NFATC2: variants seen among roughly 807,000 people sequenced by gnomAD.
NFATC2 encodes nuclear factor of activated T cells 2.
Under a neutral mutation model 87.3 loss-of-function variants are expected in NFATC2, and 22 were observed. That is an observed-to-expected ratio of 0.25 (90% CI 0.18 to 0.36). NFATC2 has a LOEUF of 0.36. Among genes scored for constraint, NFATC2 ranks in the 10% least tolerant of loss-of-function variants. The pLI, the probability that NFATC2 is intolerant of heterozygous loss-of-function variation, is 1.00. For missense variants in NFATC2, 1,149 were observed against 1,259.1 expected, an observed-to-expected ratio of 0.91 and a Z score of 1.32; for synonymous variants, 565 against 542.2, an observed-to-expected ratio of 1.04 and a Z score of -0.58.
At position 51,555,886 on chromosome 20, in the gene NFATC2, C is replaced by T. The variant is rs562423884; in HGVS notation, c.70+6674G>A. On this transcript the variant is annotated intron_variant, in intron 1 of 10. Coordinates refer to the NFATC2 transcript ENST00000414705. ...GGAATCCTACTCTTGTAGATTGAAT[C>T]GTCCCTCCTGACCCTACCAAAAAAA... 2.0e-5 allele frequency among the ~76,000 whole-genome samples: 3 copies of T among 152,324 alleles called. No homozygotes were observed. In the South Asian group the frequency reaches 6.2e-4, roughly 32 times the overall value.
intron 9 of NFATC2, among the ~76,000 whole-genome samples, chr20:51,420,422 C>T (rs1980704755): frequency 6.6e-6 from 1 of 152,176 alleles, no homozygotes; most frequent in Admixed American, 6.5e-5. Context: ...TGCTAACTTA[C>T]AGGACATACA....
intron 1 of NFATC2, among the ~76,000 whole-genome samples, chr20:51,557,362 G>A (rs1387633399): frequency 1.3e-5 from 2 of 152,204 alleles, no homozygotes; most frequent in Non-Finnish European, 2.9e-5. Context: ...CGACCCTGGT[G>A]AGTGACTCTA....
At chr20:51,532,200 A>G (rs900754280) in intron 1 of NFATC2, among the ~76,000 whole-genome samples, 1 of 152,190 alleles carries the variant, frequency 6.6e-6, no homozygotes, top group East Asian at 1.9e-4. Flanking sequence ...AGCAGCTGAT[A>G]TCGTTTCCCC....
At chr20:51,426,794 C>T (rs1333797450) in intron 9 of NFATC2, among the ~76,000 whole-genome samples, 1 of 152,162 alleles carries the variant, frequency 6.6e-6, no homozygotes, top group African/African-American at 2.4e-5. Context: ...CATCTGGGGG[C>T]TTCTGGGGTG....
At chr20:51,410,658 G>A (rs765987200) in intron 9 of NFATC2, among the ~76,000 whole-genome samples, 4 of 152,026 alleles carry the variant, frequency 2.6e-5, no homozygotes, top group Non-Finnish European at 5.9e-5. Flanking sequence ...TGGAGAGAAG[G>A]AAGACAAAAG....
At chr20:51,407,253 C>T (rs530258202) in intron 9 of NFATC2, among the ~76,000 whole-genome samples, 19 of 152,268 alleles carry the variant, frequency 1.2e-4, no homozygotes, top group African/African-American at 3.6e-4. Flanking sequence ...AGCAGGCCTC[C>T]GTGCCACCCC....
intron 9 of NFATC2, among the ~76,000 whole-genome samples, chr20:51,430,432 T>A (rs1982532664): frequency 6.6e-6 from 1 of 152,218 alleles, no homozygotes; most frequent in African/African-American, 2.4e-5. Context: ...TGTTCAAGGA[T>A]GGATTGTATG....
intron 4 of NFATC2, among the ~76,000 whole-genome samples, chr20:51,474,632 G>A (rs1341555912): frequency 1.3e-5 from 2 of 152,182 alleles, no homozygotes; most frequent in Non-Finnish European, 2.9e-5. Context: ...GAAAGTGCTG[G>A]AGCACAGGTG....
chr20:51,487,293 G>A (rs563130510), intron 3 of NFATC2, among the ~76,000 whole-genome samples: 1 of 152,296 alleles, frequency 6.6e-6, no homozygotes, highest in Admixed American at 6.5e-5. Context: ...AGGGATGCTG[G>A]GATGGCAGCC....
At chr20:51,403,169 G>A (rs375717752) in intron 9 of NFATC2, among the ~76,000 whole-genome samples, 4 of 152,292 alleles carry the variant, frequency 2.6e-5, no homozygotes, top group African/African-American at 9.6e-5. Flanking sequence ...TGTATTTTAA[G>A]TCTTGGATTT....
At chr20:51,444,547 C>T (rs983345796) in intron 6 of NFATC2, among the ~76,000 whole-genome samples, 3 of 152,032 alleles carry the variant, frequency 2.0e-5, no homozygotes, top group Non-Finnish European at 4.4e-5. Context: ...TGTCAGCACT[C>T]TGGGAGAAAT....
At chr20:51,395,277 A>G (rs1389310846) in intron 10 of NFATC2, among the ~76,000 whole-genome samples, 1 of 152,058 alleles carries the variant, frequency 6.6e-6, no homozygotes, top group Non-Finnish European at 1.5e-5. Context: ...CTAGCAGGTG[A>G]CAGGGGATTG....
At chr20:51,490,122 C>CT (rs1222692105) in intron 3 of NFATC2, among the ~76,000 whole-genome samples, 1 of 152,182 alleles carries the variant, frequency 6.6e-6, no homozygotes, top group Non-Finnish European at 1.5e-5. Context: ...TATAATTAAT[C>CT]ATAATAACAA....
intron 9 of NFATC2, among the ~76,000 whole-genome samples, chr20:51,402,389 T>C (rs995534654): frequency 6.6e-6 from 1 of 152,066 alleles, no homozygotes; most frequent in East Asian, 1.9e-4. Context: ...TCCTTGTCCT[T>C]CAGCCAGTTC....
chr20:51,440,460 G>A (rs1212742536), intron 6 of NFATC2, among the ~76,000 whole-genome samples: 1 of 152,142 alleles, frequency 6.6e-6, no homozygotes, highest in Non-Finnish European at 1.5e-5. Context: ...TGGGCTGGAG[G>A]GAATTTATGA....
intron 10 of NFATC2, among the ~76,000 whole-genome samples, chr20:51,396,346 A>G (rs1266805292): frequency 6.6e-6 from 1 of 152,068 alleles, no homozygotes; most frequent in Non-Finnish European, 1.5e-5. Flanking sequence ...GCTCAGGATT[A>G]CATGGGGAAA....
intron 10 of NFATC2, among the ~76,000 whole-genome samples, chr20:51,395,803 T>C (rs1339756830): frequency 1.3e-5 from 2 of 151,130 alleles, no homozygotes; most frequent in Non-Finnish European, 2.9e-5. Context: ...CTAATAAAAA[T>C]GGCTATAGAC....
At chr20:51,559,998 A>G (rs2077008362) in intron 1 of NFATC2, among the ~76,000 whole-genome samples, 1 of 152,232 alleles carries the variant, frequency 6.6e-6, no homozygotes, top group Admixed American at 6.5e-5. Context: ...ATAAAGTTCC[A>G]GTAAGTTTAA....
chr20:51,431,048 C>T (rs1271838291), intron 9 of NFATC2, among the ~76,000 whole-genome samples: 1 of 152,132 alleles, frequency 6.6e-6, no homozygotes, highest in Non-Finnish European at 1.5e-5. Flanking sequence ...CTTTGCAACT[C>T]GATGGATAAA....
Sources: gnomAD v4.1 joint callset for allele counts (sites outside exome capture counted in the v4.1 genomes callset) on GRCh38, gnomAD v4.1.1 for gene constraint, MANE v1.5 for transcripts, NCBI Gene and HGNC (gene_info 2026-07-23, HGNC 2026-07-21) for gene names.